Variants in ELOVL7 observed in about 807,000 individuals in gnomAD.
The protein encoded by ELOVL7 is very long chain fatty acid elongase 7.
ELOVL7 carries 27 observed loss-of-function variants against 35.7 expected under a neutral mutation model. The observed-to-expected ratio is 0.76, with a 90% confidence interval of 0.56 to 1.04. ELOVL7 has a LOEUF of 1.04. Ranked by LOEUF, ELOVL7 falls within the 50% of genes least tolerant of loss-of-function variation. The probability of loss-of-function intolerance (pLI) is 0.00; values close to 1 mark genes in which losing one functional copy is unlikely to be tolerated. For synonymous variants in ELOVL7, 113 were observed against 114.6 expected, an observed-to-expected ratio of 0.99 and a Z score of 0.09; for missense variants, 327 against 340.8, an observed-to-expected ratio of 0.96 and a Z score of 0.32.
At chr5:60,843,933 G>A (rs1054296136) in intron 1 of ELOVL7, among the ~76,000 whole-genome samples, 2 of 152,068 alleles carry the variant, frequency 1.3e-5, no homozygotes, top group Non-Finnish European at 2.9e-5. Flanking sequence ...CCACGCGCAG[G>A]CAGCGGGGAC....
At chr5:60,832,672 T>G (rs905526091) in intron 1 of ELOVL7, among the ~76,000 whole-genome samples, 1 of 152,232 alleles carries the variant, frequency 6.6e-6, no homozygotes, top group Non-Finnish European at 1.5e-5. Context: ...CCGGAATTTT[T>G]TTTTTTTTGA....
intron 3 of ELOVL7, among the ~76,000 whole-genome samples, chr5:60,773,549 C>T (rs147886303): frequency 1.1e-4 from 17 of 152,064 alleles, no homozygotes; most frequent in African/African-American, 4.1e-4. Context: ...CTGGCAGAGG[C>T]CCCTCTCAAA....
At chr5:60,781,727 CT>C (rs1330289240) in intron 3 of ELOVL7, among the ~76,000 whole-genome samples, 5 of 152,158 alleles carry the variant, frequency 3.3e-5, no homozygotes, top group African/African-American at 1.2e-4. Flanking sequence ...AAATACCAAG[CT>C]TTAGAAATTC....
chr5:60,837,890 C>A (rs1746922941), intron 1 of ELOVL7, among the ~76,000 whole-genome samples: 1 of 152,132 alleles, frequency 6.6e-6, no homozygotes, highest in South Asian at 2.1e-4. Flanking sequence ...AAGCCAAGAG[C>A]ATGCCATTGC....
At chr5:60,776,392 G>T (rs916394665) in intron 3 of ELOVL7, among the ~76,000 whole-genome samples, 3 of 152,038 alleles carry the variant, frequency 2.0e-5, no homozygotes, top group Non-Finnish European at 4.4e-5. Context: ...CATACTGAAA[G>T]GAAAATGCCA....
intron 6 of ELOVL7, 140 bp downstream of exon 6, chr5:60,766,434 G>T: frequency 3.2e-6 from 2 of 630,700 alleles, no homozygotes; most frequent in Non-Finnish European, 2.8e-6. Flanking sequence ...ATAACAGTAG[G>T]TCTGCCTGAA....
chr5:60,834,719 C>T (rs1317599857), intron 1 of ELOVL7, among the ~76,000 whole-genome samples: 1 of 152,118 alleles, frequency 6.6e-6, no homozygotes, highest in African/African-American at 2.4e-5. Flanking sequence ...TGACTACTTA[C>T]TACACTATAG....
At chr5:60,838,848 AC>A (rs1446083013) in intron 1 of ELOVL7, among the ~76,000 whole-genome samples, 2 of 150,490 alleles carry the variant, frequency 1.3e-5, no homozygotes, top group Non-Finnish European at 3.0e-5. Flanking sequence ...ACATAGTGAA[AC>A]CCCGTCTCTA....
chr5:60,767,533 G>A (rs1742315139), intron 5 of ELOVL7, among the ~76,000 whole-genome samples: 1 of 152,146 alleles, frequency 6.6e-6, no homozygotes, highest in Admixed American at 6.5e-5. Context: ...ATACCCAGAA[G>A]CAGAATTGCT....
At chr5:60,777,624 GAAC>G (rs1180042487) in intron 3 of ELOVL7, among the ~76,000 whole-genome samples, 1 of 152,152 alleles carries the variant, frequency 6.6e-6, no homozygotes, top group African/African-American at 2.4e-5. Flanking sequence ...CATAAATGAT[GAAC>G]AATAAAAGCA....
Position 60,754,453 on chromosome 5 carries a change from G to C in ELOVL7, c.*171C>G. ...CTGCTGTAGGCTCTAATTATCAGAA[G>C]ACTGTTATCTGGAAGCTTCGGGCTC... On this transcript the variant is annotated 3_prime_UTR_variant, in exon 9 of 9. Coordinates refer to ENST00000508821, the MANE Select transcript of ELOVL7 (RefSeq NM_024930.3). 1 of 616,920 alleles carries C rather than the reference G, an allele frequency of 1.6e-6. No individual in the cohort carries two copies. The highest frequency in any genetic ancestry group is 1.8e-5 in the African/African-American group (1 of 54,256). 38.2% of individuals were successfully genotyped at this position (616,920 alleles called of 1,614,324 possible). A position where few individuals can be genotyped will look rare whatever the true frequency, so the allele number is the denominator to read the frequency against.
chr5:60,791,050 C>G (rs1259362098), intron 2 of ELOVL7, among the ~76,000 whole-genome samples: 1 of 152,134 alleles, frequency 6.6e-6, no homozygotes, highest in African/African-American at 2.4e-5. Context: ...GAGCTTGACT[C>G]ACTGCAGCCT....
At chr5:60,793,456 CA>C (rs1199441645) in intron 2 of ELOVL7, among the ~76,000 whole-genome samples, 6 of 152,070 alleles carry the variant, frequency 3.9e-5, no homozygotes, top group Admixed American at 3.3e-4. Context: ...AAAGTAAAAT[CA>C]AGTAGAGGAA....
chr5:60,830,265 C>A (rs1193164961), intron 1 of ELOVL7, among the ~76,000 whole-genome samples: 2 of 152,162 alleles, frequency 1.3e-5, no homozygotes, highest in African/African-American at 4.8e-5. Flanking sequence ...AGTTTACATT[C>A]TTGTGGGAAG....
chr5:60,809,096 T>C (rs567543971), intron 1 of ELOVL7, among the ~76,000 whole-genome samples: 1 of 152,304 alleles, frequency 6.6e-6, no homozygotes, highest in South Asian at 2.1e-4. Flanking sequence ...TTGAGAATGG[T>C]TGATGATAGT....
At chr5:60,772,573 C>T (rs1429033245) in intron 3 of ELOVL7, among the ~76,000 whole-genome samples, 2 of 152,164 alleles carry the variant, frequency 1.3e-5, no homozygotes, top group Non-Finnish European at 2.9e-5. Flanking sequence ...TTTTGACTGT[C>T]AGTTGAGGGA....
At chr5:60,837,315 T>TGGGGGGGGGGGGGGGGGGGGGGGGGGGGG (rs1227317155) in intron 1 of ELOVL7, among the ~76,000 whole-genome samples, 4 of 24,514 alleles carry the variant, frequency 1.6e-4, no homozygotes, top group African/African-American at 3.5e-4. Flanking sequence ...GGCGGGGGGG[T>TGGGGGGGGGGGGGGGGGGGGGGGGGGGGG]GGGGGGGGAG....
At chr5:60,798,211 C>T (rs555564306) in intron 2 of ELOVL7, among the ~76,000 whole-genome samples, 2 of 152,226 alleles carry the variant, frequency 1.3e-5, no homozygotes, top group African/African-American at 2.4e-5. Context: ...AATAAAGTTT[C>T]AAAATTAACT....
At chr5:60,813,650 T>G (rs1158320787) in intron 1 of ELOVL7, among the ~76,000 whole-genome samples, 1 of 152,182 alleles carries the variant, frequency 6.6e-6, no homozygotes, top group East Asian at 1.9e-4. Context: ...TATCAATTTT[T>G]TTTTTTCAGT....
Sources: allele counts gnomAD v4.1 joint callset (sites outside exome capture counted in the v4.1 genomes callset), GRCh38; gene constraint gnomAD v4.1.1; transcripts MANE v1.5; gene names NCBI Gene and HGNC (gene_info 2026-07-23, HGNC 2026-07-21).